Variants in PAQR3 observed in about 807,000 individuals in gnomAD.
PAQR3 encodes the protein progestin and adipoQ receptor family member 3, also known as Raf kinase trapping to Golgi.
A neutral mutation model predicts 41.7 loss-of-function variants in PAQR3; 39 were observed. That is an observed-to-expected ratio of 0.93 (90% CI 0.72 to 1.22). The LOEUF (loss-of-function observed/expected upper bound fraction) is 1.22, where lower values mean the gene tolerates loss of function less well. PAQR3 is among the 50% of genes most tolerant of loss of function. The pLI is 0.00. For missense variants in PAQR3, 366 were observed against 385.6 expected (o/e 0.95, Z 0.42); for synonymous variants, 140 against 140.6 (o/e 1.00, Z 0.03).
chr4:78,899,076 G>A (rs867541719), intron 11 of PAQR3: 13 of 152,182 alleles, frequency 8.5e-5, no homozygotes, highest in East Asian at 3.9e-4. Flanking sequence ...TCAAAACTCC[G>A]GTGCTGATCA....
In PAQR3 at chr4:78,919,146, C is replaced by G; in HGVS notation, c.*1393G>C. The G allele has an allele frequency of 1.0e-6, 1 of 985,014 alleles. No homozygotes were observed. The highest frequency in any genetic ancestry group is 1.2e-6 in the Non-Finnish European group (1 of 829,746). 61.0% of individuals were successfully genotyped at this position (985,014 alleles called of 1,614,324 possible). On this transcript the variant is annotated 3_prime_UTR_variant, in exon 6 of 6. Transcript: ENST00000512733. ...TAACTGAGGCACATTAGTGACTTTC[C>G]AAGTATCATATGCACAAAAGGCATT...
At chr4:78,925,788 A>G (rs1430325744) in intron 4 of PAQR3, among the ~76,000 whole-genome samples, 1 of 152,184 alleles carries the variant, frequency 6.6e-6, no homozygotes, top group Non-Finnish European at 1.5e-5. Context: ...TCTCTAGTGC[A>G]TATGTACAGC....
chr4:78,888,388 A>G (rs1733222714), intron 11 of PAQR3, among the ~76,000 whole-genome samples: 1 of 152,216 alleles, frequency 6.6e-6, no homozygotes, highest in South Asian at 2.1e-4. Flanking sequence ...GTCTAAAATT[A>G]TAATAACTCA....
At chr4:78,906,787 A>G (rs1297822879) in intron 10 of PAQR3, among the ~76,000 whole-genome samples, 1 of 152,178 alleles carries the variant, frequency 6.6e-6, no homozygotes, top group Non-Finnish European at 1.5e-5. Flanking sequence ...TTCCCAGGAC[A>G]TGATGATGGT....
At position 78,920,408 on chromosome 4, in the gene PAQR3, AT is replaced by A. The variant is rs1735538389; in HGVS notation, c.*130del. The stretch of plus-strand genomic sequence containing the variant: ...GATCCTTAAGTATACTTTTTTTCCC[AT>A]TTTTATAAAGCATTACTCATATTAA... On this transcript the variant is annotated 3_prime_UTR_variant, in exon 6 of 6. Transcript: ENST00000512733. The A allele has an allele frequency of 1.5e-6, 2 of 1,314,142 alleles. No individual in the cohort carries two copies. The highest frequency in any genetic ancestry group is 3.1e-5 in the African/African-American group (2 of 65,482). 81.4% of individuals were successfully genotyped at this position (1,314,142 alleles called of 1,614,324 possible).
chr4:78,935,319 T>A, intron 1 of PAQR3, 36 bp from the exon 2 acceptor site: 1 of 1,585,786 alleles, frequency 6.3e-7, no homozygotes, highest in Non-Finnish European at 8.6e-7. Context: ...GAGATTCACA[T>A]TGGCCAACTT....
intron 11 of PAQR3, among the ~76,000 whole-genome samples, chr4:78,898,592 A>T (rs573742866): frequency 6.6e-6 from 1 of 150,486 alleles, no homozygotes; most frequent in Non-Finnish European, 1.5e-5. Flanking sequence ...TCTAGACTGT[A>T]TATCTAATCA....
At chr4:78,924,042 T>G in intron 4 of PAQR3, 95 bp from the exon 5 acceptor site, 2 of 969,582 alleles carry the variant, frequency 2.1e-6, no homozygotes, top group Non-Finnish European at 3.2e-6. Flanking sequence ...GATTGTTAAA[T>G]CTGAACTGTT....
downstream of PAQR3, among the ~76,000 whole-genome samples, chr4:78,909,196 C>G (rs540972263): frequency 6.6e-6 from 1 of 151,500 alleles, no homozygotes; most frequent in Non-Finnish European, 1.5e-5. Context: ...TGCCAACATG[C>G]CTGGCTAATT....
chr4:78,926,764 A>C, intron 3 of PAQR3, 46 bp from the exon 4 acceptor site: 1 of 1,560,500 alleles, frequency 6.4e-7, no homozygotes, highest in Non-Finnish European at 8.8e-7. Flanking sequence ...TTAACAATAA[A>C]GGAACTGAAA....
exon 13 of PAQR3, chr4:78,887,198 C>G: frequency 6.2e-7 from 1 of 1,609,950 alleles, no homozygotes; most frequent in Non-Finnish European, 8.5e-7. Context: ...AGAGCATCCT[C>G]AGATAAGAAT....
chr4:78,888,154 A>G (rs1353935138), intron 11 of PAQR3: 1 of 152,232 alleles, frequency 6.6e-6, no homozygotes, highest in Non-Finnish European at 1.5e-5. Flanking sequence ...GTTATCTGGA[A>G]TATACAGGAT....
At position 78,916,601 on chromosome 4, in the gene PAQR3, A is replaced by G. The variant is rs1735099776; in HGVS notation, c.*3938T>C. On this transcript the variant is annotated 3_prime_UTR_variant, in exon 6 of 6. Transcript: ENST00000512733. ...TTTTGCCACAAGAACACTTAATAGC[A>G]CGACTTTTTCAGTGAGTCATAATTA... 1 of 151,926 alleles carries G rather than the reference A, an allele frequency of 6.6e-6. No homozygotes were observed. Among genetic ancestry groups the G allele is most frequent in the African/African-American group, 2.4e-5 (1 of 41,438 alleles). 9.4% of individuals were successfully genotyped at this position (151,926 alleles called of 1,614,324 possible).
At chr4:78,895,706 CA>C (rs1253660545) in intron 11 of PAQR3, among the ~76,000 whole-genome samples, 3 of 152,018 alleles carry the variant, frequency 2.0e-5, no homozygotes, top group Non-Finnish European at 4.4e-5. Flanking sequence ...TTTTATGGAG[CA>C]AAAGGACTAT....
downstream of PAQR3, among the ~76,000 whole-genome samples, chr4:78,909,942 T>G (rs78382932): frequency 0.069 from 10,458 of 152,320 alleles, 492 homozygotes; most frequent in East Asian, 0.24. Flanking sequence ...CCAGATGGTT[T>G]AGATTTGTTT....
exon 13 of PAQR3, chr4:78,887,157 T>G: frequency 6.8e-7 from 1 of 1,480,512 alleles, no homozygotes. Flanking sequence ...TTATTTCGTT[T>G]CATCTTATTT....
At chr4:78,896,634 A>G (rs889807249) in intron 11 of PAQR3, among the ~76,000 whole-genome samples, 25 of 152,354 alleles carry the variant, frequency 1.6e-4, no homozygotes, top group African/African-American at 5.5e-4. Context: ...TGAGATCTCA[A>G]CTATGAGACT....
chr4:78,911,442 C>G, downstream of PAQR3: 3 of 1,614,012 alleles, frequency 1.9e-6, no homozygotes, highest in South Asian at 1.1e-5. Context: ...TAACGGGGAG[C>G]CAGCAGCAAA....
chr4:78,888,664 G>A (rs1358546412), intron 11 of PAQR3, among the ~76,000 whole-genome samples: 1 of 152,154 alleles, frequency 6.6e-6, no homozygotes, highest in Non-Finnish European at 1.5e-5. Context: ...CTTATTTGGA[G>A]GTTGGCCTAA....
Sources: gnomAD v4.1 joint callset for allele counts (sites outside exome capture counted in the v4.1 genomes callset) on GRCh38, gnomAD v4.1.1 for gene constraint, MANE v1.5 for transcripts, NCBI Gene and HGNC (gene_info 2026-07-23, HGNC 2026-07-21) for gene names.